ZSCAN25: variants seen among roughly 807,000 people sequenced by gnomAD.
The protein encoded by ZSCAN25 is zinc finger and SCAN domain containing 25.
In ZSCAN25, 27 loss-of-function variants were observed where a neutral mutation model predicts 38.7. The observed-to-expected ratio is 0.70, with a 90% CI of 0.51 to 0.96. The LOEUF is 0.96. ZSCAN25 is among the 40% of genes least tolerant of loss of function. The pLI is 0.00. For synonymous variants in ZSCAN25, 273 were observed against 277.7 expected, an observed-to-expected ratio of 0.98 and a Z score of 0.17; for missense variants, 637 against 705.9, an observed-to-expected ratio of 0.90 and a Z score of 1.11.
chr7:99,640,695 A>G, the ZSCAN25 span, among the ~76,000 whole-genome samples: 1 of 152,204 alleles, frequency 6.6e-6, no homozygotes, highest in African/African-American at 2.4e-5. Context: ...GGAAGGATAT[A>G]CTTCCAGAGA....
chr7:99,728,063 A>G, the ZSCAN25 span, among the ~76,000 whole-genome samples: 1 of 152,114 alleles, frequency 6.6e-6, no homozygotes, highest in Admixed American at 6.5e-5. Flanking sequence ...TCTGTCCCTC[A>G]TGGCCAGTTT....
chr7:99,671,688 T>C, the ZSCAN25 span: 2 of 619,864 alleles, frequency 3.2e-6, no homozygotes. Context: ...TTTTCAGACT[T>C]AACACCAAAA....
chr7:99,679,791 A>G, the ZSCAN25 span: 1 of 1,608,698 alleles, frequency 6.2e-7, no homozygotes, highest in Non-Finnish European at 8.5e-7. Flanking sequence ...CCCAAGTCCA[A>G]GGAAACAAAG....
the ZSCAN25 span, among the ~76,000 whole-genome samples, chr7:99,721,901 G>A: frequency 6.6e-6 from 1 of 152,138 alleles, no homozygotes; most frequent in Non-Finnish European, 1.5e-5. Flanking sequence ...CTTGCAGAAA[G>A]CCCAACCCAA....
chr7:99,656,034 A>G, the ZSCAN25 span, among the ~76,000 whole-genome samples: 2 of 152,218 alleles, frequency 1.3e-5, no homozygotes, highest in Admixed American at 6.5e-5. Flanking sequence ...AACAGGGACA[A>G]TTTGACTTCC....
At position 99,631,343 on chromosome 7, in the gene ZSCAN25, T is replaced by G. The variant is rs1363854788; in HGVS notation, c.*1323T>G. 3.0e-6 allele frequency: 3 copies of G among 984,692 alleles called. No homozygotes were observed. The highest frequency in any genetic ancestry group is 2.4e-6 in the Non-Finnish European group (2 of 829,772). The allele number at this position is 984,692 out of a possible 1,614,324, so 61.0% of individuals were successfully genotyped here. A position where few individuals can be genotyped will look rare whatever the true frequency, so the allele number is the denominator to read the frequency against. ...GCCAAGTCAGGAAAAATAAAGATAT[T>G]TGTAGGCATTAAAAAAAAATACATT... On this transcript the variant is annotated 3_prime_UTR_variant, in exon 8 of 8. Coordinates refer to ENST00000394152, the MANE Select transcript of ZSCAN25 (RefSeq NM_145115.3).
At chr7:99,637,933 A>G in the ZSCAN25 span, among the ~76,000 whole-genome samples, 2 of 152,242 alleles carry the variant, frequency 1.3e-5, no homozygotes, top group Non-Finnish European at 2.9e-5. Context: ...AATAAAAAAA[A>G]TCAATTATTA....
intron 7 of ZSCAN25, among the ~76,000 whole-genome samples, chr7:99,628,958 G>A (rs191185945): frequency 1.1e-4 from 17 of 152,302 alleles, no homozygotes; most frequent in African/African-American, 4.1e-4. Flanking sequence ...AGAAGTAAAG[G>A]TCTAGATTAG....
the ZSCAN25 span, chr7:99,735,018 C>G: frequency 1.2e-6 from 2 of 1,614,094 alleles, no homozygotes; most frequent in South Asian, 1.1e-5. Context: ...TGAACAGTTA[C>G]TCACAGATAG....
At chr7:99,705,785 C>T in the ZSCAN25 span, among the ~76,000 whole-genome samples, 4 of 152,184 alleles carry the variant, frequency 2.6e-5, no homozygotes, top group African/African-American at 7.2e-5. Context: ...TGAGAACATT[C>T]ATCATCTATC....
At chr7:99,717,776 AT>A in the ZSCAN25 span, 1 of 1,135,658 alleles carries the variant, frequency 8.8e-7, no homozygotes, top group Non-Finnish European at 1.3e-6. Flanking sequence ...CCTATGACAG[AT>A]GCTCAATAGG....
the ZSCAN25 span, chr7:99,652,770 T>TA: frequency 5.3e-3 from 8,496 of 1,613,102 alleles, 441 homozygotes; most frequent in African/African-American, 0.1. Context: ...GCATCATAGG[T>TA]AGGTGGTGCC....
the ZSCAN25 span, chr7:99,652,530 T>G: frequency 6.4e-7 from 1 of 1,558,128 alleles, no homozygotes; most frequent in Non-Finnish European, 8.8e-7. Context: ...CAGGGTGAGC[T>G]CCATTTCCCT....
At chr7:99,736,732 A>T in the ZSCAN25 span, among the ~76,000 whole-genome samples, 1 of 152,154 alleles carries the variant, frequency 6.6e-6, no homozygotes, top group Non-Finnish European at 1.5e-5. Context: ...CCCCAGAAAG[A>T]CACCTTTTCC....
chr7:99,666,966 C>T, the ZSCAN25 span: 25 of 1,613,830 alleles, frequency 1.5e-5, no homozygotes, highest in Middle Eastern at 1.7e-4. Context: ...TTGAGTTTTC[C>T]GCTGGTGAAG....
intron 5 of ZSCAN25, chr7:99,622,219 C>G (rs925745319): frequency 6.4e-6 from 2 of 313,842 alleles, no homozygotes; most frequent in African/African-American, 4.5e-5. Flanking sequence ...GCCACCGCGC[C>G]CAGCCCACGT....
At chr7:99,737,622 A>C in the ZSCAN25 span, among the ~76,000 whole-genome samples, 1 of 152,300 alleles carries the variant, frequency 6.6e-6, no homozygotes, top group East Asian at 1.9e-4. Flanking sequence ...TTTTTTAGAA[A>C]CAAAACTCTT....
chr7:99,626,104 CTTG>C (rs761993689), intron 7 of ZSCAN25, among the ~76,000 whole-genome samples: 3 of 152,336 alleles, frequency 2.0e-5, no homozygotes, highest in South Asian at 2.1e-4. Context: ...AGGTGCAGAC[CTTG>C]TTGTCTGGGT....
the ZSCAN25 span, chr7:99,660,424 T>C: frequency 6.6e-7 from 1 of 1,503,930 alleles, no homozygotes; most frequent in Non-Finnish European, 8.9e-7. Context: ...ATAAAAATTC[T>C]CCTGGGGAGT....
Sources: allele counts gnomAD v4.1 joint callset (sites outside exome capture counted in the v4.1 genomes callset), GRCh38; gene constraint gnomAD v4.1.1; transcripts MANE v1.5; gene names NCBI Gene and HGNC (gene_info 2026-07-23, HGNC 2026-07-21).